PDE8A: variants seen among roughly 807,000 people sequenced by gnomAD.
The protein encoded by PDE8A is high affinity cAMP-specific and IBMX-insensitive 3',5'-cyclic phosphodiesterase 8A.
Under a neutral mutation model 105.0 loss-of-function variants are expected in PDE8A, and 59 were observed. The ratio of observed to expected loss-of-function variants is 0.56; its 90% CI spans 0.46 to 0.70. The LOEUF (loss-of-function observed/expected upper bound fraction) is 0.70, where lower values mean the gene tolerates loss of function less well. Ranked by LOEUF, PDE8A falls within the 30% of genes least tolerant of loss-of-function variation. The probability of loss-of-function intolerance (pLI) is 0.00; values close to 1 mark genes in which losing one functional copy is unlikely to be tolerated. For synonymous variants in PDE8A, 355 were observed against 371.9 expected (o/e 0.95, Z 0.52); for missense variants, 1,014 against 1,045.9 (o/e 0.97, Z 0.42).
intron 3 of PDE8A, among the ~76,000 whole-genome samples, chr15:85,070,448 C>A (rs970997782): frequency 6.6e-6 from 1 of 152,060 alleles, no homozygotes; most frequent in Non-Finnish European, 1.5e-5. Context: ...TGAGTGATTT[C>A]GGTATAGGCT....
chr15:85,018,852 T>G (rs758739090), intron 1 of PDE8A, among the ~76,000 whole-genome samples: 1 of 152,232 alleles, frequency 6.6e-6, no homozygotes, highest in Middle Eastern at 3.2e-3. Flanking sequence ...ACATCCACCT[T>G]TGCCATTTTT....
In PDE8A at chr15:85,120,951, C is replaced by T. The variant is rs374802816; in HGVS notation, c.1889C>T (p.Ala630Val). 48 of 1,613,852 alleles carry T rather than the reference C, an allele frequency of 3.0e-5. No individual in the cohort carries two copies. The highest frequency in any genetic ancestry group is 4.4e-5 in the South Asian group (4 of 91,072). Reference sequence around the variant, plus strand: ...ACTGCTGTGCTGGAGAGCCACCATGCGGCCTTGGCCTTCCAGCTGACCACT... The same window carrying T: ...ACTGCTGTGCTGGAGAGCCACCATGTGGCCTTGGCCTTCCAGCTGACCACT... ...NDTAVLESHHAALAFQLTTGD... is the reference protein window; with the variant it reads ...NDTAVLESHHVALAFQLTTGD... Residue 630 changes from alanine to valine, a missense_variant, in exon 18 of 22, where the codon GCG (alanine) becomes GTG (valine). Transcript: ENST00000394553.
chr15:85,008,735 C>T (rs1345173089), intron 1 of PDE8A, among the ~76,000 whole-genome samples: 1 of 152,132 alleles, frequency 6.6e-6, no homozygotes, highest in East Asian at 1.9e-4. Context: ...CTCTAGTCTG[C>T]CTGAATCCTC....
chr15:85,027,854 A>G (rs1358490447), intron 1 of PDE8A, among the ~76,000 whole-genome samples: 1 of 152,088 alleles, frequency 6.6e-6, no homozygotes, highest in African/African-American at 2.4e-5. Context: ...TTTTTCTGAT[A>G]TGTATACATT....
chr15:85,116,679 A>G (rs2082101664), intron 16 of PDE8A, among the ~76,000 whole-genome samples: 1 of 152,218 alleles, frequency 6.6e-6, no homozygotes. Flanking sequence ...GGAGGTCCAC[A>G]GAGCTGATTC....
At chr15:85,137,087 C>T (rs2082422651) in intron 21 of PDE8A, among the ~76,000 whole-genome samples, 3 of 152,152 alleles carry the variant, frequency 2.0e-5, no homozygotes, top group Admixed American at 6.5e-5. Context: ...AGGTGGGGCA[C>T]AGGAGTCTGT....
intron 19 of PDE8A, among the ~76,000 whole-genome samples, chr15:85,124,926 G>T (rs948854381): frequency 6.6e-6 from 1 of 152,214 alleles, no homozygotes; most frequent in Non-Finnish European, 1.5e-5. Context: ...CATCTCTGTT[G>T]TCGGTACATG....
intron 4 of PDE8A, 87 bp from the exon 5 acceptor site, chr15:85,076,646 G>A (rs945060206): frequency 8.6e-6 from 7 of 812,106 alleles, no homozygotes; most frequent in Admixed American, 5.2e-5. Flanking sequence ...ATTACATAAC[G>A]AAGTATTATT....
chr15:85,066,155 T>C (rs983283097), intron 2 of PDE8A, among the ~76,000 whole-genome samples: 2 of 152,236 alleles, frequency 1.3e-5, no homozygotes, highest in African/African-American at 2.4e-5. Flanking sequence ...ACTTACCCAG[T>C]TAACTTTCTT....
At chr15:85,120,591 C>G (rs927312752) in intron 17 of PDE8A, 16 of 506,864 alleles carry the variant, frequency 3.2e-5, no homozygotes, top group Non-Finnish European at 4.5e-5. Context: ...TTGGTAAGTC[C>G]TTAACTTGTG....
chr15:85,085,064 A>C (rs972104648), intron 6 of PDE8A, among the ~76,000 whole-genome samples: 3 of 152,114 alleles, frequency 2.0e-5, no homozygotes, highest in Admixed American at 6.5e-5. Flanking sequence ...GACGTAACAC[A>C]ATTCCATTTG....
intron 1 of PDE8A, among the ~76,000 whole-genome samples, chr15:84,999,483 C>CA (rs2080032031): frequency 6.6e-6 from 1 of 152,182 alleles, no homozygotes; most frequent in Non-Finnish European, 1.5e-5. Flanking sequence ...TTGGTGCTTA[C>CA]CATGGGCTAG....
intron 5 of PDE8A, among the ~76,000 whole-genome samples, chr15:85,077,114 T>A (rs1253279011): frequency 1.3e-5 from 2 of 152,252 alleles, no homozygotes; most frequent in Non-Finnish European, 2.9e-5. Context: ...CTCTCAAAAC[T>A]ATGCCTGCTA....
Position 84,981,861 on chromosome 15 carries a change from C to T in PDE8A, c.-302C>T, listed in dbSNP as rs1334303531. On this transcript the variant is annotated 5_prime_UTR_variant, in exon 1 of 22. Coordinates refer to ENST00000394553, the MANE Select transcript of PDE8A (RefSeq NM_002605.3). ...CCCCCTATTTCCCCGGAAGCGCGGC[C>T]GAGGCGAGCCCGGCGATGTGAGAGG... 4 of 198,758 alleles carry T rather than the reference C, an allele frequency of 2.0e-5. No homozygotes were observed. The highest frequency in any genetic ancestry group is 3.0e-5 in the Non-Finnish European group (3 of 99,074). 12.3% of individuals were successfully genotyped at this position (198,758 alleles called of 1,614,324 possible). A position where few individuals can be genotyped will look rare whatever the true frequency, so the allele number is the denominator to read the frequency against.
chr15:85,084,977 T>C (rs1185405337), intron 6 of PDE8A, among the ~76,000 whole-genome samples: 1 of 152,224 alleles, frequency 6.6e-6, no homozygotes, highest in African/African-American at 2.4e-5. Context: ...TAGGTCCCTC[T>C]CTTTTTACCT....
chr15:85,031,623 C>A (rs1023187555), intron 1 of PDE8A, among the ~76,000 whole-genome samples: 2 of 152,158 alleles, frequency 1.3e-5, no homozygotes, highest in African/African-American at 4.8e-5. Context: ...TGCTTCCTAG[C>A]TGTGTGACTG....
intron 19 of PDE8A, 152 bp downstream of exon 19, chr15:85,123,345 C>G: frequency 6.3e-6 from 1 of 157,732 alleles, no homozygotes; most frequent in Non-Finnish European, 1.1e-5. Flanking sequence ...GATACACACA[C>G]ACACACACAC....
chr15:85,020,326 C>T lies in PDE8A; in HGVS notation c.186+37978C>T, dbSNP rs192225289. Among the ~76,000 whole-genome samples the T allele has an allele frequency of 5.3e-3, 808 of 152,190 alleles. 4 individuals are homozygous for T. Among genetic ancestry groups the T allele is most frequent in the Middle Eastern group, 0.01 (3 of 294 alleles). On this transcript the variant is annotated intron_variant, in intron 1 of 21. Transcript: ENST00000394553. ...GGGCATTAAGAAAACAACAAGGGCC[C>T]GGCGCAGTGGCTCATGCCTGTAATC...
chr15:85,099,443 A>AT (rs1217323121), intron 9 of PDE8A, among the ~76,000 whole-genome samples: 1 of 152,158 alleles, frequency 6.6e-6, no homozygotes, highest in Non-Finnish European at 1.5e-5. Flanking sequence ...GTCCTTTCCA[A>AT]TTTTTTTGTG....
Sources: allele counts gnomAD v4.1 joint callset (sites outside exome capture counted in the v4.1 genomes callset), GRCh38; gene constraint gnomAD v4.1.1; transcripts MANE v1.5; gene names NCBI Gene and HGNC (gene_info 2026-07-23, HGNC 2026-07-21).